Variants in HTR4 observed in about 807,000 individuals in gnomAD.
HTR4 encodes 5-hydroxytryptamine receptor 4.
Under a neutral mutation model 36.8 loss-of-function variants are expected in HTR4, and 16 were observed. That is an observed-to-expected ratio of 0.43 (90% CI 0.29 to 0.66). The LOEUF is 0.66. Among genes scored for constraint, HTR4 ranks in the 30% least tolerant of loss-of-function variants. The pLI is 0.13. For synonymous variants in HTR4, 189 were observed against 185.1 expected, an observed-to-expected ratio of 1.02 and a Z score of -0.17; for missense variants, 438 against 490.9, an observed-to-expected ratio of 0.89 and a Z score of 1.02.
intron 5 of HTR4, among the ~76,000 whole-genome samples, chr5:148,451,743 T>C (rs931038966): frequency 2.0e-5 from 3 of 152,230 alleles, no homozygotes; most frequent in Admixed American, 1.3e-4. Context: ...TTCATTCCTT[T>C]TGGTGCCATT....
chr5:148,472,893 T>C (rs1470852096), downstream of HTR4, among the ~76,000 whole-genome samples: 10 of 152,304 alleles, frequency 6.6e-5, no homozygotes, highest in South Asian at 1.9e-3. Context: ...TTGCTGAATA[T>C]AGAAAATTTT....
In HTR4 at chr5:148,553,259, C is replaced by T. The variant is rs1363545; in HGVS notation, c.27-2997G>A. Among the ~76,000 whole-genome samples, 3 of 151,870 alleles carry T rather than the reference C, an allele frequency of 2.0e-5. No homozygotes were observed. The East Asian group carries it at 5.8e-4, about 29-fold the overall frequency. ...GTAAGGAGGACTGGATGGCCTGTGG[C>T]GGATTGCAGACTGGCTATTTAATAA... On this transcript the variant is annotated intron_variant, in intron 2 of 6. Coordinates refer to ENST00000377888, the MANE Select transcript of HTR4 (RefSeq NM_000870.7).
chr5:148,499,590 G>T (rs1049495585), intron 6 of HTR4, among the ~76,000 whole-genome samples: 3 of 152,182 alleles, frequency 2.0e-5, no homozygotes, highest in Non-Finnish European at 2.9e-5. Flanking sequence ...CAGAAAAAGT[G>T]TCTTGATTTA....
At chr5:148,495,520 A>C (rs1483813400) in intron 6 of HTR4, among the ~76,000 whole-genome samples, 1 of 152,164 alleles carries the variant, frequency 6.6e-6, no homozygotes, top group East Asian at 1.9e-4. Context: ...TGTTCCAGGC[A>C]CTTTACTAGG....
intron 4 of HTR4, among the ~76,000 whole-genome samples, chr5:148,548,252 G>A (rs2113845598): frequency 6.6e-6 from 1 of 152,266 alleles, no homozygotes; most frequent in Non-Finnish European, 1.5e-5. Flanking sequence ...ATATTTTCAA[G>A]AAAAGGTTAT....
intron 1 of HTR4, among the ~76,000 whole-genome samples, chr5:148,643,067 G>A (rs1009652732): frequency 6.6e-6 from 1 of 152,072 alleles, no homozygotes; most frequent in Admixed American, 6.6e-5. Context: ...TAAATAAAAA[G>A]TTTATAGCCA....
downstream of HTR4, among the ~76,000 whole-genome samples, chr5:148,478,232 A>G (rs1755762267): frequency 6.6e-6 from 1 of 152,226 alleles, no homozygotes; most frequent in Non-Finnish European, 1.5e-5. Context: ...GTAAGTGCTA[A>G]ATCAATACTA....
At chr5:148,560,020 G>C (rs960289289) in intron 2 of HTR4, among the ~76,000 whole-genome samples, 1 of 151,866 alleles carries the variant, frequency 6.6e-6, no homozygotes, top group Non-Finnish European at 1.5e-5. Context: ...CCATATTCTA[G>C]GTGTGTTCTA....
chr5:148,595,060 A>C (rs970928954), intron 2 of HTR4, among the ~76,000 whole-genome samples: 5 of 151,916 alleles, frequency 3.3e-5, no homozygotes, highest in African/African-American at 1.2e-4. Flanking sequence ...AACCATTGTT[A>C]TACTTTTTTC....
chr5:148,557,681 T>G (rs558281955), intron 2 of HTR4, among the ~76,000 whole-genome samples: 2 of 151,810 alleles, frequency 1.3e-5, no homozygotes, highest in Admixed American at 1.3e-4. Flanking sequence ...CTATCCAGGA[T>G]GTTCTGGGGA....
rs536415854 is a variant in HTR4 at position 148,483,098 on chromosome 5, G to A, written c.*105C>T. ...GGGTTCCTGCACTGGCGGACGGAAAGCCTCAGGTGAAGAGAATACCGGGTG... is the reference window on the plus strand; with the variant it reads ...GGGTTCCTGCACTGGCGGACGGAAAACCTCAGGTGAAGAGAATACCGGGTG... On this transcript the variant is annotated 3_prime_UTR_variant, in exon 7 of 7. Transcript: ENST00000377888. 3 of 1,547,356 alleles carry A rather than the reference G, an allele frequency of 1.9e-6. No individual in the cohort carries two copies. Among genetic ancestry groups the A allele is most frequent in the East Asian group, 2.4e-5 (1 of 42,246 alleles).
intron 2 of HTR4, among the ~76,000 whole-genome samples, chr5:148,621,123 A>C (rs1752901601): frequency 1.3e-5 from 2 of 152,230 alleles, no homozygotes; most frequent in African/African-American, 4.8e-5. Flanking sequence ...TGAGTTAGGG[A>C]GACTCATTAG....
chr5:148,582,891 T>C (rs1312827908), intron 2 of HTR4, among the ~76,000 whole-genome samples: 2 of 152,070 alleles, frequency 1.3e-5, no homozygotes, highest in African/African-American at 2.4e-5. Flanking sequence ...CAGGGACAAT[T>C]TGACTTCCTC....
At chr5:148,479,356 A>G (rs898768399), downstream of HTR4, among the ~76,000 whole-genome samples, 6 of 152,056 alleles carry the variant, frequency 3.9e-5, no homozygotes, top group African/African-American at 1.4e-4. Context: ...GGGATCTTGG[A>G]GGTTACCGAG....
At chr5:148,605,192 C>A (rs76299217) in intron 2 of HTR4, among the ~76,000 whole-genome samples, 1 of 150,966 alleles carries the variant, frequency 6.6e-6, no homozygotes, top group Non-Finnish European at 1.5e-5. Flanking sequence ...TGGGTCTCTG[C>A]TTTTTTCAGT....
rs746335013 is a variant in HTR4, at chr5:148,509,921, G to A, written c.611C>T (p.Pro204Leu). The A allele has an allele frequency of 6.2e-7, 1 of 1,613,954 alleles. No individual in the cohort carries two copies. The highest frequency in any genetic ancestry group is 8.5e-7 in the Non-Finnish European group (1 of 1,179,946). Residue 204 changes from proline (P) to leucine (L), a missense_variant, in exon 6 of 7, where the codon CCA (proline) becomes CTA (leucine). Physicochemically the swap from Pro to Leu is moderately conservative, Grantham distance 98. Coordinates refer to ENST00000377888, the MANE Select transcript of HTR4 (RefSeq NM_000870.7). ...ATAGGCCAGCACCATGAGGAGAAATGGGATGTAGAAGGCCACCACAGAGCA... is the reference window on the plus strand; with the variant it reads ...ATAGGCCAGCACCATGAGGAGAAATAGGATGTAGAAGGCCACCACAGAGCA... ...ITCSVVAFYI[P>L]FLLMVLAYYR... is the part of the protein sequence containing the mutation.
At chr5:148,465,416 C>CT (rs1205079176) in intron 5 of HTR4, among the ~76,000 whole-genome samples, 1 of 152,044 alleles carries the variant, frequency 6.6e-6, no homozygotes, top group Non-Finnish European at 1.5e-5. Flanking sequence ...CTTTAGAAAA[C>CT]TTTTTTAAAA....
At chr5:148,638,880 C>A (rs1449619800) in intron 1 of HTR4, among the ~76,000 whole-genome samples, 1 of 151,910 alleles carries the variant, frequency 6.6e-6, no homozygotes, top group Non-Finnish European at 1.5e-5. Flanking sequence ...CGTGGCAAAA[C>A]CCCATCTCCA....
At position 148,548,661 on chromosome 5, in the gene HTR4, T is replaced by C. The variant is rs1197483348; in HGVS notation, c.353+7A>G. On this transcript the variant is annotated splice_region_variant and intron_variant, in intron 4 of 6. Transcript: ENST00000377888. ...GAGCTCCGCTATGCACATTGTTCTG[T>C]CCTTACCTATCCAGAGAAATGCAGC... 5 of 1,592,402 alleles carry C rather than the reference T, an allele frequency of 3.1e-6. No individual in the cohort carries two copies. Among genetic ancestry groups the C allele is most frequent in the Non-Finnish European group, 4.3e-6 (5 of 1,168,506 alleles).
Sources: gnomAD v4.1 joint callset for allele counts (sites outside exome capture counted in the v4.1 genomes callset) on GRCh38, gnomAD v4.1.1 for gene constraint, MANE v1.5 for transcripts, NCBI Gene and HGNC (gene_info 2026-07-23, HGNC 2026-07-21) for gene names.